Variants in TMCC3 observed in about 807,000 individuals in gnomAD.
The protein encoded by TMCC3 is transmembrane and coiled-coil domain protein 3.
A neutral mutation model predicts 40.2 loss-of-function variants in TMCC3; 28 were observed. The observed-to-expected ratio is 0.70, with a 90% confidence interval of 0.52 to 0.95. The LOEUF (loss-of-function observed/expected upper bound fraction) is 0.95. Among genes scored for constraint, TMCC3 ranks in the 40% least tolerant of loss-of-function variants. The pLI, the probability that TMCC3 is intolerant of heterozygous loss-of-function variation, is 0.00. For missense variants in TMCC3, 554 were observed against 615.2 expected (o/e 0.90, Z 1.05); for synonymous variants, 255 against 248.5 (o/e 1.03, Z -0.25).
chr12:94,584,601 C>G (rs1034673718), intron 1 of TMCC3, among the ~76,000 whole-genome samples: 3 of 151,148 alleles, frequency 2.0e-5, no homozygotes, highest in African/African-American at 7.3e-5. Flanking sequence ...GGAGGGAGCA[C>G]AGCAGCACAG....
intron 1 of TMCC3, among the ~76,000 whole-genome samples, chr12:94,640,196 G>T (rs1265630754): frequency 6.6e-6 from 1 of 152,124 alleles, no homozygotes; most frequent in African/African-American, 2.4e-5. Context: ...TTGAGACAGG[G>T]TCTCGCCATC....
intron 1 of TMCC3, among the ~76,000 whole-genome samples, chr12:94,628,914 T>C (rs2068917664): frequency 6.6e-6 from 1 of 152,198 alleles, no homozygotes; most frequent in Non-Finnish European, 1.5e-5. Flanking sequence ...GATGGCACTA[T>C]AATTTCTTGA....
At chr12:94,571,760 G>A (rs569017883) in intron 3 of TMCC3, 23 bp from the exon 4 acceptor site, 8 of 1,610,558 alleles carry the variant, frequency 5.0e-6, no homozygotes, top group Admixed American at 1.7e-5. Flanking sequence ...GGGAGAGCAA[G>A]GGTCAAACGG....
At chr12:94,635,661 T>A (rs1352317668) in intron 1 of TMCC3, among the ~76,000 whole-genome samples, 1 of 21,018 alleles carries the variant, frequency 4.8e-5, no homozygotes. Flanking sequence ...TGTATGTGGG[T>A]TTTTTTTTTT....
chr12:94,581,550 A>C, intron 2 of TMCC3, 72 bp downstream of exon 2: 1 of 1,106,276 alleles, frequency 9.0e-7, no homozygotes. Flanking sequence ...AAATGAAAAA[A>C]TAAAATAACA....
intron 1 of TMCC3, among the ~76,000 whole-genome samples, chr12:94,629,205 C>T (rs930133955): frequency 6.6e-5 from 10 of 152,122 alleles, no homozygotes; most frequent in Non-Finnish European, 1.2e-4. Flanking sequence ...AAAATTGATA[C>T]CATCTGTCCT....
chr12:94,580,734 TCAAACAAACAAACAAA>T (rs113927274), intron 2 of TMCC3, among the ~76,000 whole-genome samples: 3 of 151,804 alleles, frequency 2.0e-5, no homozygotes, highest in Non-Finnish European at 2.9e-5. Context: ...AAACTCCATC[TCAAACAAACAAACAAA>T]CAAACAAACA....
At chr12:94,606,328 C>T (rs2068782556) in intron 1 of TMCC3, among the ~76,000 whole-genome samples, 1 of 151,362 alleles carries the variant, frequency 6.6e-6, no homozygotes, top group African/African-American at 2.4e-5. Flanking sequence ...AACCATGGGG[C>T]TTCTTTTTGC....
chr12:94,646,366 C>T (rs560757290), intron 1 of TMCC3, among the ~76,000 whole-genome samples: 1 of 151,210 alleles, frequency 6.6e-6, no homozygotes, highest in South Asian at 2.1e-4. Flanking sequence ...ACAGCTTTTT[C>T]ACCCAGTGAG....
At chr12:94,583,254 C>T (rs1013301407) in intron 1 of TMCC3, among the ~76,000 whole-genome samples, 31 of 151,198 alleles carry the variant, frequency 2.1e-4, no homozygotes, top group African/African-American at 7.3e-4. Flanking sequence ...CCTATAATCC[C>T]AGCACTTTGG....
chr12:94,632,764 A>G (rs929323228), intron 1 of TMCC3, among the ~76,000 whole-genome samples: 1 of 152,254 alleles, frequency 6.6e-6, no homozygotes, highest in Non-Finnish European at 1.5e-5. Flanking sequence ...GTAGCAAAAT[A>G]ACATACAGCA....
At chr12:94,615,157 A>G (rs755973037) in intron 1 of TMCC3, among the ~76,000 whole-genome samples, 1 of 152,240 alleles carries the variant, frequency 6.6e-6, no homozygotes, top group Non-Finnish European at 1.5e-5. Context: ...GAAGGAAAGA[A>G]AGATTGCATT....
Position 94,650,334 on chromosome 12 carries a change from C to T in TMCC3, c.78+19G>A. 1 of 1,285,392 alleles carries T rather than the reference C, an allele frequency of 7.8e-7. No individual in the cohort carries two copies. Among genetic ancestry groups the T allele is most frequent in the Non-Finnish European group, 9.9e-7 (1 of 1,013,292 alleles). The allele number at this position is 1,285,392 out of a possible 1,614,324, so 79.6% of individuals were successfully genotyped here. A position where few individuals can be genotyped will look rare whatever the true frequency, so the allele number is the denominator to read the frequency against. On this transcript the variant is annotated intron_variant, in intron 1 of 3. Coordinates refer to ENST00000261226, the MANE Select transcript of TMCC3 (RefSeq NM_020698.4). ...CCGGGCCCGCGCGCACCCGCCGCCC[C>T]CCAGCCCGCTGCGCTCACCCGGCTC... is the stretch of plus-strand genomic sequence containing the variant.
chr12:94,623,844 A>G (rs935035885), intron 1 of TMCC3, among the ~76,000 whole-genome samples: 3 of 152,240 alleles, frequency 2.0e-5, no homozygotes, highest in Admixed American at 6.5e-5. Context: ...GTGCAGTACC[A>G]TCGGCAAAGT....
At chr12:94,637,350 T>G (rs2068965847) in intron 1 of TMCC3, among the ~76,000 whole-genome samples, 1 of 152,200 alleles carries the variant, frequency 6.6e-6, no homozygotes, top group Non-Finnish European at 1.5e-5. Flanking sequence ...ATAAAAATTT[T>G]AAAAATATGA....
intron 3 of TMCC3, among the ~76,000 whole-genome samples, chr12:94,572,306 C>CTTTTTTTTTT (rs527894810): frequency 2.0e-5 from 1 of 50,634 alleles, no homozygotes; most frequent in African/African-American, 7.5e-5. Context: ...CCGACTTCAT[C>CTTTTTTTTTT]TTTTTTTTTT....
At chr12:94,585,454 T>C (rs1455480844) in intron 1 of TMCC3, among the ~76,000 whole-genome samples, 2 of 152,156 alleles carry the variant, frequency 1.3e-5, no homozygotes, top group African/African-American at 2.4e-5. Context: ...CTCAGCACTT[T>C]GGGAGGCTGA....
At chr12:94,613,004 A>G (rs1303427082) in intron 1 of TMCC3, among the ~76,000 whole-genome samples, 1 of 152,144 alleles carries the variant, frequency 6.6e-6, no homozygotes, top group Non-Finnish European at 1.5e-5. Context: ...ATAACAAAAG[A>G]CAACCCACAA....
intron 3 of TMCC3, among the ~76,000 whole-genome samples, chr12:94,574,141 G>C (rs2068549236): frequency 1.3e-5 from 2 of 152,176 alleles, no homozygotes; most frequent in South Asian, 4.1e-4. Context: ...CCAGCATTCT[G>C]GGAGGCCGAG....
Sources: gnomAD v4.1 joint callset for allele counts (sites outside exome capture counted in the v4.1 genomes callset) on GRCh38, gnomAD v4.1.1 for gene constraint, MANE v1.5 for transcripts, NCBI Gene and HGNC (gene_info 2026-07-23, HGNC 2026-07-21) for gene names.